Variants in WDPCP observed in about 807,000 individuals in gnomAD.
WDPCP encodes WD repeat-containing and planar cell polarity effector protein fritz homolog.
WDPCP carries 71 observed loss-of-function variants against 93.1 expected under a neutral mutation model. That is an observed-to-expected ratio of 0.76 (90% CI 0.63 to 0.93). WDPCP has a LOEUF of 0.93. WDPCP is among the 40% of genes least tolerant of loss of function. The pLI is 0.00. For missense variants in WDPCP, 844 were observed against 887.4 expected (o/e 0.95, Z 0.62); for synonymous variants, 315 against 315.0 (o/e 1.00, Z 0.00).
At chr2:63,320,974 A>ATAAATAGAAAAATG (rs1190359719) in intron 12 of WDPCP, among the ~76,000 whole-genome samples, 3 of 152,124 alleles carry the variant, frequency 2.0e-5, no homozygotes, top group Non-Finnish European at 4.4e-5. Context: ...TTGAAAGTAC[A>ATAAATAGAAAAATG]TAAATAGAAA....
At chr2:63,200,254 G>C (rs1212006357) in intron 14 of WDPCP, among the ~76,000 whole-genome samples, 1 of 152,162 alleles carries the variant, frequency 6.6e-6, no homozygotes, top group Non-Finnish European at 1.5e-5. Flanking sequence ...ATGTAATTTA[G>C]TACATCCACT....
intron 12 of WDPCP, among the ~76,000 whole-genome samples, chr2:63,342,333 A>G (rs559772052): frequency 1.1e-4 from 16 of 152,290 alleles, no homozygotes; most frequent in African/African-American, 3.6e-4. Context: ...CGTTGTTTCA[A>G]TCTTTGCCTT....
chr2:63,285,159 G>A (rs543328636), intron 13 of WDPCP, among the ~76,000 whole-genome samples: 11 of 152,254 alleles, frequency 7.2e-5, no homozygotes, highest in South Asian at 2.1e-4. Context: ...GGTTGGGTGA[G>A]GTGGCTCATG....
intron 3 of WDPCP, among the ~76,000 whole-genome samples, chr2:63,636,067 G>T (rs1709916732): frequency 6.6e-6 from 1 of 151,934 alleles, no homozygotes. Flanking sequence ...ATTTCAACAA[G>T]GAACTATCCA....
intron 4 of WDPCP, among the ~76,000 whole-genome samples, chr2:63,485,291 C>G (rs1276802236): frequency 6.6e-6 from 1 of 150,498 alleles, no homozygotes; most frequent in African/African-American, 2.4e-5. Context: ...TCTTTACTAA[C>G]TTTTTCATGT....
chr2:63,751,509 T>C (rs867495201), intron 2 of WDPCP, among the ~76,000 whole-genome samples: 2 of 152,172 alleles, frequency 1.3e-5, no homozygotes, highest in Non-Finnish European at 2.9e-5. Flanking sequence ...TAGTCACAAA[T>C]ACAGTCCTCA....
chr2:63,522,451 G>GACACAC (rs1342647114), intron 1 of WDPCP, among the ~76,000 whole-genome samples: 1,754 of 91,702 alleles, frequency 0.019, 16 homozygotes, highest in East Asian at 0.036. Flanking sequence ...CAGACAGACA[G>GACACAC]ACAGACACAC....
chr2:63,665,241 G>C (rs1464593726), intron 2 of WDPCP, among the ~76,000 whole-genome samples: 1 of 152,196 alleles, frequency 6.6e-6, no homozygotes. Flanking sequence ...CAAGGTGTTA[G>C]TAGTGTTGGT....
At chr2:63,749,906 T>G (rs1669855592) in intron 2 of WDPCP, among the ~76,000 whole-genome samples, 2 of 152,126 alleles carry the variant, frequency 1.3e-5, no homozygotes, top group Non-Finnish European at 2.9e-5. Context: ...GCTGTTATCT[T>G]AATTTTGCTA....
intron 2 of WDPCP, chr2:63,684,251 A>G: frequency 2.1e-6 from 1 of 479,650 alleles, no homozygotes; most frequent in African/African-American, 2.0e-5. Flanking sequence ...CATTCAAAAA[A>G]TTGAAATAGT....
intron 1 of WDPCP, among the ~76,000 whole-genome samples, chr2:63,559,979 A>C (rs1039064268): frequency 1.3e-5 from 2 of 151,844 alleles, no homozygotes; most frequent in Non-Finnish European, 2.9e-5. Flanking sequence ...ACCTGTAATC[A>C]CAGCACTTTG....
At chr2:63,255,175 G>GCTAA (rs941013677) in intron 14 of WDPCP, among the ~76,000 whole-genome samples, 1 of 152,110 alleles carries the variant, frequency 6.6e-6, no homozygotes, top group African/African-American at 2.4e-5. Flanking sequence ...AAAACTTTAT[G>GCTAA]CTAACTGGTG....
At chr2:63,660,873 T>C (rs972294767) in intron 2 of WDPCP, among the ~76,000 whole-genome samples, 1 of 152,214 alleles carries the variant, frequency 6.6e-6, no homozygotes, top group African/African-American at 2.4e-5. Context: ...AAATTATTAT[T>C]GCAAATATTT....
intron 12 of WDPCP, among the ~76,000 whole-genome samples, chr2:63,340,985 A>C (rs1314209064): frequency 1.3e-5 from 2 of 152,182 alleles, no homozygotes; most frequent in Non-Finnish European, 2.9e-5. Context: ...CAAATTTGAC[A>C]ATGTGATTTC....
intron 13 of WDPCP, among the ~76,000 whole-genome samples, chr2:63,310,032 T>A (rs1400491312): frequency 6.6e-6 from 1 of 152,260 alleles, no homozygotes; most frequent in East Asian, 1.9e-4. Flanking sequence ...GCATTGTTAA[T>A]CTGACAAATG....
rs1348012576 is a variant in WDPCP, at chr2:63,678,711, TCTG to T, written n.309-27876_309-27874del. 2.6e-5 allele frequency among the ~76,000 whole-genome samples: 4 copies of T among 152,360 alleles called. No individual in the cohort carries two copies. In the East Asian group the frequency reaches 7.7e-4, roughly 29 times the overall value. ...CTGGAAGTGATAGGATGAAAGCGAT[TCTG>T]CTATTTCTTTTGATTCTTTCTTCTG... On this transcript the variant is annotated intron_variant and non_coding_transcript_variant, in intron 2 of 4. Transcript: ENST00000467687.
intron 9 of WDPCP, among the ~76,000 whole-genome samples, chr2:63,421,582 G>T (rs1391161830): frequency 6.6e-6 from 1 of 152,176 alleles, no homozygotes; most frequent in African/African-American, 2.4e-5. Flanking sequence ...CTAAACACAG[G>T]CCTTAAGCTT....
chr2:63,243,844 A>C (rs1385922066), intron 14 of WDPCP, among the ~76,000 whole-genome samples: 1 of 152,290 alleles, frequency 6.6e-6, no homozygotes, highest in Non-Finnish European at 1.5e-5. Flanking sequence ...TCTAGACTTC[A>C]ACTCGACACT....
intron 17 of WDPCP, among the ~76,000 whole-genome samples, chr2:63,135,744 T>C (rs1670572517): frequency 6.6e-6 from 1 of 152,130 alleles, no homozygotes. Context: ...TTTGTTTGTT[T>C]GTTTTGAGAC....
Sources: allele counts gnomAD v4.1 joint callset (sites outside exome capture counted in the v4.1 genomes callset), GRCh38; gene constraint gnomAD v4.1.1; transcripts MANE v1.5; gene names NCBI Gene and HGNC (gene_info 2026-07-23, HGNC 2026-07-21).